CSMD1: variants seen among roughly 807,000 people sequenced by gnomAD.
The protein encoded by CSMD1 is CUB and sushi domain-containing protein 1.
In CSMD1, 213 loss-of-function variants were observed where a neutral mutation model predicts 417.5. That is an observed-to-expected ratio of 0.51 (90% CI 0.46 to 0.57). CSMD1 has a LOEUF of 0.57. CSMD1 is among the 20% of genes least tolerant of loss of function. The pLI, the probability that CSMD1 is intolerant of heterozygous loss-of-function variation, is 0.00. For missense variants in CSMD1, 6,923 were observed against 4,529.7 expected, an observed-to-expected ratio of 1.53 and a Z score of -15.17; for synonymous variants, 2,862 against 1,736.8, an observed-to-expected ratio of 1.65 and a Z score of -16.11.
chr8:3,432,486 T>G (rs1417789872), intron 12 of CSMD1, among the ~76,000 whole-genome samples: 1 of 149,882 alleles, frequency 6.7e-6, no homozygotes, highest in African/African-American at 2.4e-5. Context: ...TACTGAAAGT[T>G]AAAAATTGTT....
At chr8:3,930,665 T>C (rs1376147346) in intron 5 of CSMD1, among the ~76,000 whole-genome samples, 1 of 150,252 alleles carries the variant, frequency 6.7e-6, no homozygotes, top group Non-Finnish European at 1.5e-5. Flanking sequence ...CGGTGTACTG[T>C]CATGGCAAAA....
At chr8:3,762,433 T>A (rs1048612886) in intron 5 of CSMD1, among the ~76,000 whole-genome samples, 6 of 152,192 alleles carry the variant, frequency 3.9e-5, no homozygotes, top group Admixed American at 3.3e-4. Context: ...AGACTTACCC[T>A]TTGCAGACAT....
intron 2 of CSMD1, among the ~76,000 whole-genome samples, chr8:4,444,071 G>A (rs866316877): frequency 6.6e-5 from 10 of 152,274 alleles, no homozygotes; most frequent in South Asian, 2.1e-4. Flanking sequence ...GCCTGGCACA[G>A]TAGCTCATGC....
At chr8:4,939,413 G>C (rs1236566706) in intron 1 of CSMD1, among the ~76,000 whole-genome samples, 1 of 152,130 alleles carries the variant, frequency 6.6e-6, no homozygotes, top group East Asian at 1.9e-4. Flanking sequence ...ACCCTCAACA[G>C]GTGAATCGAT....
intron 26 of CSMD1, among the ~76,000 whole-genome samples, chr8:3,238,897 C>G (rs886636015): frequency 1.3e-5 from 2 of 152,058 alleles, no homozygotes; most frequent in Non-Finnish European, 2.9e-5. Context: ...GCAGTGTAAT[C>G]AAGAGCAGGG....
chr8:3,139,668 C>A (rs528414292), intron 41 of CSMD1, among the ~76,000 whole-genome samples: 243 of 152,034 alleles, frequency 1.6e-3, no homozygotes, highest in African/African-American at 5.7e-3. Flanking sequence ...ACAAGAGGTC[C>A]AAGGTACATT....
At chr8:4,793,660 G>A (rs1408182903) in intron 1 of CSMD1, among the ~76,000 whole-genome samples, 1 of 152,142 alleles carries the variant, frequency 6.6e-6, no homozygotes, top group East Asian at 1.9e-4. Context: ...TAGCAATGTT[G>A]ACGCCTCTGC....
chr8:3,295,763 A>G (rs550146021), intron 25 of CSMD1, among the ~76,000 whole-genome samples: 102 of 152,296 alleles, frequency 6.7e-4, no homozygotes, highest in African/African-American at 2.3e-3. Flanking sequence ...CTACATATAT[A>G]TAGAAAATTT....
intron 2 of CSMD1, among the ~76,000 whole-genome samples, chr8:4,580,585 C>A (rs530844720): frequency 6.6e-6 from 1 of 152,148 alleles, no homozygotes; most frequent in Admixed American, 6.5e-5. Flanking sequence ...CCTTTCTCCT[C>A]TTCCATCTCA....
intron 12 of CSMD1, among the ~76,000 whole-genome samples, chr8:3,438,418 C>T (rs536514415): frequency 6.6e-6 from 1 of 152,132 alleles, no homozygotes; most frequent in Non-Finnish European, 1.5e-5. Context: ...GCTACACTTA[C>T]TTTGGCCCAT....
chr8:4,895,409 T>C lies in CSMD1; in HGVS notation c.85+98923A>G, dbSNP rs80333834. On this transcript the variant is annotated intron_variant, in intron 1 of 69. Transcript: ENST00000635120. ...ACCAAACACATCCCTCTTTTTCCCA[T>C]GCAAAGCCTGAGTAAATTTCATTTT... Among the ~76,000 whole-genome samples the C allele has an allele frequency of 7.3e-3, 1,116 of 152,264 alleles. 18 individuals carry two copies. The highest frequency in any genetic ancestry group is 0.026 in the African/African-American group (1,071 of 41,522).
At chr8:3,503,636 C>G (rs1227832362) in intron 10 of CSMD1, among the ~76,000 whole-genome samples, 1 of 152,240 alleles carries the variant, frequency 6.6e-6, no homozygotes, top group Non-Finnish European at 1.5e-5. Flanking sequence ...CCGTAATTCT[C>G]TTTGTGCTGC....
chr8:3,953,609 T>C (rs541329911), intron 5 of CSMD1, among the ~76,000 whole-genome samples: 7 of 152,006 alleles, frequency 4.6e-5, no homozygotes, highest in Non-Finnish European at 8.8e-5. Flanking sequence ...CGCCCAAGCA[T>C]ACGCATTTCA....
At chr8:4,892,055 G>T (rs1804159145) in intron 1 of CSMD1, among the ~76,000 whole-genome samples, 1 of 152,080 alleles carries the variant, frequency 6.6e-6, no homozygotes, top group Non-Finnish European at 1.5e-5. Flanking sequence ...AACATTCTGA[G>T]TCAGTAGAAG....
intron 1 of CSMD1, among the ~76,000 whole-genome samples, chr8:4,798,822 G>C (rs1443263705): frequency 6.6e-6 from 1 of 152,160 alleles, no homozygotes; most frequent in African/African-American, 2.4e-5. Context: ...TAATCATTTT[G>C]GCTGCCTAAA....
chr8:3,852,677 T>TG (rs1554461639), intron 5 of CSMD1, among the ~76,000 whole-genome samples: 1 of 151,534 alleles, frequency 6.6e-6, no homozygotes, highest in Admixed American at 6.6e-5. Flanking sequence ...TGAATGGTGA[T>TG]GGGGGTGGGG....
At chr8:3,644,557 G>C (rs922327972) in intron 7 of CSMD1, among the ~76,000 whole-genome samples, 1 of 152,152 alleles carries the variant, frequency 6.6e-6, no homozygotes, top group African/African-American at 2.4e-5. Context: ...AAAATGGAAA[G>C]GTAGGAGATT....
intron 7 of CSMD1, among the ~76,000 whole-genome samples, chr8:3,627,835 T>C (rs1421996202): frequency 6.6e-6 from 1 of 152,198 alleles, no homozygotes; most frequent in African/African-American, 2.4e-5. Flanking sequence ...AGGTGTCTGA[T>C]TTCAAAGCCC....
chr8:3,770,391 C>T (rs143237934), intron 5 of CSMD1, among the ~76,000 whole-genome samples: 12 of 152,096 alleles, frequency 7.9e-5, no homozygotes, highest in African/African-American at 2.4e-4. Context: ...TAGCCAGGCA[C>T]GGTGGTGCGT....
Sources: gnomAD v4.1 joint callset for allele counts (sites outside exome capture counted in the v4.1 genomes callset) on GRCh38, gnomAD v4.1.1 for gene constraint, MANE v1.5 for transcripts, NCBI Gene and HGNC (gene_info 2026-07-23, HGNC 2026-07-21) for gene names.